The following TLL1 variants were observed in gnomAD, a reference collection of about 807,000 sequenced individuals.
TLL1 encodes tolloid-like protein 1.
A neutral mutation model predicts 128.2 loss-of-function variants in TLL1; 49 were observed. The observed-to-expected ratio is 0.38, with a 90% CI of 0.30 to 0.48. The LOEUF is 0.48. Ranked by LOEUF, TLL1 falls within the 20% of genes least tolerant of loss-of-function variation. The pLI is 0.96. For missense variants in TLL1, 1,123 were observed against 1,242.0 expected, an observed-to-expected ratio of 0.90 and a Z score of 1.44; for synonymous variants, 454 against 418.8, an observed-to-expected ratio of 1.08 and a Z score of -1.03.
intron 1 of TLL1, among the ~76,000 whole-genome samples, chr4:165,935,698 G>A (rs189754586): frequency 1.3e-5 from 2 of 152,224 alleles, no homozygotes; most frequent in Admixed American, 1.3e-4. Context: ...AGCTAAAAGT[G>A]CATTCCTACA....
chr4:166,063,216 T>C (rs987170413), intron 15 of TLL1, among the ~76,000 whole-genome samples: 11 of 152,184 alleles, frequency 7.2e-5, no homozygotes, highest in Non-Finnish European at 1.3e-4. Context: ...AAGACATTTA[T>C]GCAGCCAACA....
chr4:165,988,890 T>C (rs561574574), intron 1 of TLL1, among the ~76,000 whole-genome samples: 1 of 152,292 alleles, frequency 6.6e-6, no homozygotes, highest in East Asian at 1.9e-4. Flanking sequence ...AATGAATTGC[T>C]ACAATAGCAC....
rs2111162683 is a variant in TLL1, at chr4:166,095,060, C to T, written c.2656+3719C>T. The stretch of plus-strand genomic sequence containing the variant: ...TTGCTACGTGTATAAAGCATTTATT[C>T]ATTATTTACTGTCTTCTAGAATATG... On this transcript the variant is annotated intron_variant, in intron 19 of 20. Coordinates refer to ENST00000061240, the MANE Select transcript of TLL1 (RefSeq NM_012464.5). Among the ~76,000 whole-genome samples, 2 of 152,206 alleles carry T rather than the reference C, an allele frequency of 1.3e-5. 1 individual carries two copies.
intron 1 of TLL1, chr4:165,919,906 C>A (rs1732970178): frequency 6.7e-6 from 3 of 451,086 alleles, no homozygotes; most frequent in African/African-American, 4.0e-5. Context: ...AGAAGAAGCA[C>A]CTGGACTTCT....
At chr4:165,926,426 A>G (rs989884263) in intron 1 of TLL1, among the ~76,000 whole-genome samples, 5 of 152,190 alleles carry the variant, frequency 3.3e-5, no homozygotes, top group African/African-American at 4.8e-5. Context: ...TGGATATAGT[A>G]TGATTTTCAG....
chr4:165,971,974 C>T (rs998499962), intron 1 of TLL1, among the ~76,000 whole-genome samples: 3 of 152,062 alleles, frequency 2.0e-5, no homozygotes, highest in African/African-American at 7.2e-5. Context: ...TCTCTTCCAG[C>T]TTTGTGTAGC....
At chr4:165,959,996 G>C (rs147878865) in intron 1 of TLL1, among the ~76,000 whole-genome samples, 1 of 152,062 alleles carries the variant, frequency 6.6e-6, no homozygotes, top group Non-Finnish European at 1.5e-5. Context: ...TATTCGAGCA[G>C]AGCTGAATGA....
intron 5 of TLL1, among the ~76,000 whole-genome samples, chr4:166,000,374 A>G (rs888823354): frequency 6.6e-5 from 10 of 152,188 alleles, no homozygotes; most frequent in Non-Finnish European, 2.9e-5. Flanking sequence ...GGGGATCAAA[A>G]CACCACATTT....
intron 16 of TLL1, 72 bp downstream of exon 16, chr4:166,065,935 C>T (rs1048504099): frequency 1.5e-5 from 16 of 1,058,950 alleles, no homozygotes; most frequent in Non-Finnish European, 1.9e-5. Context: ...TGTATGTGAT[C>T]TATTTTTCAT....
intron 12 of TLL1, among the ~76,000 whole-genome samples, chr4:166,053,602 C>T (rs565350851): frequency 1.3e-5 from 2 of 152,172 alleles, no homozygotes; most frequent in Admixed American, 1.3e-4. Flanking sequence ...TTTATACTAC[C>T]TCATTTGAAG....
intron 1 of TLL1, among the ~76,000 whole-genome samples, chr4:165,938,494 A>C (rs549916922): frequency 1.6e-4 from 24 of 151,978 alleles, no homozygotes; most frequent in Non-Finnish European, 3.2e-4. Flanking sequence ...TCCTTTCCTT[A>C]ATTTTCTAAT....
chr4:165,889,031 C>T (rs1236165730), intron 1 of TLL1, among the ~76,000 whole-genome samples: 2 of 152,214 alleles, frequency 1.3e-5, no homozygotes, highest in African/African-American at 4.8e-5. Flanking sequence ...ATATATTTCA[C>T]TCTTCTGTCA....
chr4:166,044,310 A>T, intron 12 of TLL1: 1 of 1,472,044 alleles, frequency 6.8e-7, no homozygotes, highest in Non-Finnish European at 9.2e-7. Flanking sequence ...AGCACTATGA[A>T]CACTACTTAC....
intron 12 of TLL1, among the ~76,000 whole-genome samples, chr4:166,043,958 A>G (rs1739351207): frequency 6.6e-6 from 1 of 152,166 alleles, no homozygotes. Context: ...GGTCAGAAGA[A>G]ACCAAAGGCC....
intron 17 of TLL1, among the ~76,000 whole-genome samples, chr4:166,076,855 G>A (rs1022482015): frequency 3.2e-4 from 49 of 152,256 alleles, no homozygotes; most frequent in Admixed American, 1.3e-3. Flanking sequence ...TCTCCCTGTG[G>A]AAACCTAGCA....
At chr4:165,905,353 T>G (rs1732203746) in intron 1 of TLL1, among the ~76,000 whole-genome samples, 1 of 152,228 alleles carries the variant, frequency 6.6e-6, no homozygotes, top group Admixed American at 6.5e-5. Flanking sequence ...GAACGTGGAT[T>G]ACTTTATGTT....
rs539814833 is a variant in TLL1, at chr4:165,963,373, G to T, written c.170-26008G>T. ...AAGAACTGTTGAGTTGGAGAATCTA[G>T]GTTTTTAAGATTCCATATTCTTGAA... On this transcript the variant is annotated intron_variant, in intron 1 of 20. Transcript: ENST00000061240. Among the ~76,000 whole-genome samples, 3 of 152,204 alleles carry T rather than the reference G, an allele frequency of 2.0e-5. No individual in the cohort carries two copies. The South Asian group carries it at 6.2e-4, about 31-fold the overall frequency.
intron 7 of TLL1, among the ~76,000 whole-genome samples, chr4:166,010,605 C>T (rs910098012): frequency 1.3e-5 from 2 of 150,478 alleles, no homozygotes; most frequent in African/African-American, 4.9e-5. Flanking sequence ...GTTGCCTTTT[C>T]ATTCAGTTGG....
intron 1 of TLL1, among the ~76,000 whole-genome samples, chr4:165,906,692 T>A (rs569180261): frequency 6.6e-6 from 1 of 152,288 alleles, no homozygotes; most frequent in Admixed American, 6.5e-5. Context: ...ATGAAAGAAT[T>A]GTGAGTAGAC....
Sources: gnomAD v4.1 joint callset for allele counts (sites outside exome capture counted in the v4.1 genomes callset) on GRCh38, gnomAD v4.1.1 for gene constraint, MANE v1.5 for transcripts, NCBI Gene and HGNC (gene_info 2026-07-23, HGNC 2026-07-21) for gene names.